The following ABLIM1 variants were observed in gnomAD, a reference collection of about 807,000 sequenced individuals.
The protein encoded by ABLIM1 is actin-binding LIM protein 1.
In ABLIM1, 40 loss-of-function variants were observed where a neutral mutation model predicts 107.0. The ratio of observed to expected loss-of-function variants is 0.37; its 90% CI spans 0.29 to 0.49. The LOEUF (loss-of-function observed/expected upper bound fraction) is 0.49, where lower values mean the gene tolerates loss of function less well. ABLIM1 is among the 20% of genes least tolerant of loss of function. The pLI, the probability that ABLIM1 is intolerant of heterozygous loss-of-function variation, is 0.97. For missense variants in ABLIM1, 857 were observed against 1,008.5 expected, an observed-to-expected ratio of 0.85 and a Z score of 2.04; for synonymous variants, 357 against 357.3, an observed-to-expected ratio of 1.00 and a Z score of 0.01.
At chr10:114,555,798 C>T (rs1217347713) in intron 4 of ABLIM1, among the ~76,000 whole-genome samples, 3 of 151,700 alleles carry the variant, frequency 2.0e-5, no homozygotes, top group Non-Finnish European at 4.4e-5. Context: ...AACTGTTGCC[C>T]AGGTATGTTC....
At chr10:114,633,808 G>A (rs1264933163) in intron 1 of ABLIM1, among the ~76,000 whole-genome samples, 1 of 152,148 alleles carries the variant, frequency 6.6e-6, no homozygotes, top group East Asian at 1.9e-4. Context: ...CCTTTAAGGA[G>A]ATGCTGACAA....
intron 5 of ABLIM1, among the ~76,000 whole-genome samples, chr10:114,545,743 G>C (rs2067238429): frequency 6.6e-6 from 1 of 151,810 alleles, no homozygotes; most frequent in Non-Finnish European, 1.5e-5. Flanking sequence ...TGGCCAACAT[G>C]GGGAAGCCCT....
intron 4 of ABLIM1, among the ~76,000 whole-genome samples, chr10:114,570,534 T>C (rs1240776319): frequency 1.3e-5 from 2 of 151,778 alleles, no homozygotes; most frequent in African/African-American, 4.8e-5. Flanking sequence ...TTTTTTCACA[T>C]ATTAGATATT....
intron 1 of ABLIM1, among the ~76,000 whole-genome samples, chr10:114,715,444 C>G (rs2081640937): frequency 6.6e-6 from 1 of 152,130 alleles, no homozygotes; most frequent in African/African-American, 2.4e-5. Flanking sequence ...TAGTAAGAAC[C>G]CATTTAGTGA....
At chr10:114,748,377 G>A (rs2082430197) in intron 1 of ABLIM1, among the ~76,000 whole-genome samples, 1 of 152,116 alleles carries the variant, frequency 6.6e-6, no homozygotes, top group African/African-American at 2.4e-5. Context: ...AAGGAAGAGA[G>A]CAGTTCAATT....
At chr10:114,518,998 G>A (rs1027988290) in intron 6 of ABLIM1, among the ~76,000 whole-genome samples, 4 of 152,146 alleles carry the variant, frequency 2.6e-5, no homozygotes, top group Non-Finnish European at 4.4e-5. Context: ...AAAGGTTTGA[G>A]CAAAAATCTT....
chr10:114,502,863 C>T (rs2060613699), intron 6 of ABLIM1, among the ~76,000 whole-genome samples: 1 of 152,066 alleles, frequency 6.6e-6, no homozygotes, highest in Non-Finnish European at 1.5e-5. Context: ...TAACCAGCAC[C>T]CAAATTAAAA....
chr10:114,447,838 C>G (rs758877043), intron 15 of ABLIM1, 42 bp downstream of exon 15: 2 of 1,610,964 alleles, frequency 1.2e-6, no homozygotes, highest in South Asian at 2.2e-5. Context: ...TTGAGCTCTC[C>G]TAGCAGTTTG....
intron 6 of ABLIM1, among the ~76,000 whole-genome samples, chr10:114,530,556 C>T (rs1315579835): frequency 6.6e-6 from 1 of 152,002 alleles, no homozygotes; most frequent in African/African-American, 2.4e-5. Context: ...TATTTTGAGA[C>T]ACAGTCTCAC....
intron 1 of ABLIM1, among the ~76,000 whole-genome samples, chr10:114,734,374 G>A (rs565629695): frequency 4.1e-4 from 63 of 151,998 alleles, no homozygotes; most frequent in African/African-American, 1.5e-3. Context: ...CCTCACATTC[G>A]TGCCCTCCAT....
chr10:114,740,295 C>T (rs80019414), intron 1 of ABLIM1, among the ~76,000 whole-genome samples: 1,708 of 152,248 alleles, frequency 0.011, 38 homozygotes, highest in African/African-American at 0.039. Flanking sequence ...TTTTCCTACT[C>T]GTAGCATATG....
chr10:114,620,600 C>T (rs185124763), intron 1 of ABLIM1, among the ~76,000 whole-genome samples: 10 of 152,044 alleles, frequency 6.6e-5, no homozygotes, highest in African/African-American at 1.2e-4. Context: ...TTAGTAGAGA[C>T]GGGGTTTCAC....
At chr10:114,599,087 C>T (rs2075738427) in intron 2 of ABLIM1, among the ~76,000 whole-genome samples, 1 of 152,076 alleles carries the variant, frequency 6.6e-6, no homozygotes, top group Admixed American at 6.5e-5. Context: ...AGTGTGATTC[C>T]AGAATGTTGG....
chr10:114,595,718 T>C (rs1366242092), intron 2 of ABLIM1, among the ~76,000 whole-genome samples: 1 of 152,208 alleles, frequency 6.6e-6, no homozygotes, highest in Non-Finnish European at 1.5e-5. Flanking sequence ...ACCACTTCCT[T>C]CATCTAATTA....
intron 1 of ABLIM1, among the ~76,000 whole-genome samples, chr10:114,767,614 CT>C (rs34973850): frequency 0.43 from 63,380 of 146,844 alleles, 14,157 homozygotes; most frequent in Non-Finnish European, 0.51. Flanking sequence ...GGGGAATTTA[CT>C]TTTTTTTTTT....
chr10:114,594,395 T>C (rs1454224733), intron 2 of ABLIM1, among the ~76,000 whole-genome samples: 2 of 152,220 alleles, frequency 1.3e-5, no homozygotes, highest in African/African-American at 2.4e-5. Context: ...CTAGTAGCCA[T>C]TGGAAGACAT....
At chr10:114,718,058 A>AAAGG (rs1228422595) in intron 1 of ABLIM1, among the ~76,000 whole-genome samples, 1,069 of 59,636 alleles carry the variant, frequency 0.018, 33 homozygotes, top group African/African-American at 0.041. Context: ...AGAAAGAAAG[A>AAAGG]AAGAAAGGAA....
intron 18 of ABLIM1, 106 bp downstream of exon 18, chr10:114,441,616 C>T (rs2060205786): frequency 2.8e-6 from 3 of 1,079,688 alleles, no homozygotes; most frequent in Non-Finnish European, 4.2e-6. Flanking sequence ...CATTATGTTC[C>T]AACACTGAGA....
the ABLIM1 span, among the ~76,000 whole-genome samples, chr10:114,781,872 C>G: frequency 6.6e-6 from 1 of 151,916 alleles, no homozygotes; most frequent in African/African-American, 2.4e-5. Flanking sequence ...CATGCTCTTT[C>G]TGTATCTGTT....
Sources: gnomAD v4.1 joint callset for allele counts (sites outside exome capture counted in the v4.1 genomes callset) on GRCh38, gnomAD v4.1.1 for gene constraint, MANE v1.5 for transcripts, NCBI Gene and HGNC (gene_info 2026-07-23, HGNC 2026-07-21) for gene names.